Variants in ERC2 observed in about 807,000 individuals in gnomAD.
ERC2 encodes the protein ELKS/RAB6-interacting/CAST family member 2.
In ERC2, 42 loss-of-function variants were observed where a neutral mutation model predicts 114.8. That is an observed-to-expected ratio of 0.37 (90% confidence interval 0.29 to 0.47). ERC2 has a LOEUF of 0.47. ERC2 is among the 20% of genes least tolerant of loss of function. ERC2 has a pLI of 0.99. For missense variants in ERC2, 939 were observed against 1,150.7 expected (o/e 0.82, Z 2.66); for synonymous variants, 454 against 425.5 (o/e 1.07, Z -0.82).
At chr3:55,859,651 T>C (rs1427422164) in intron 14 of ERC2, among the ~76,000 whole-genome samples, 1 of 151,904 alleles carries the variant, frequency 6.6e-6, no homozygotes, top group African/African-American at 2.4e-5. Context: ...TCACCAAAGG[T>C]ATGTGTGCCT....
chr3:56,271,964 A>C (rs1370526919), intron 3 of ERC2, among the ~76,000 whole-genome samples: 1 of 152,190 alleles, frequency 6.6e-6, no homozygotes, highest in Non-Finnish European at 1.5e-5. Context: ...TGTGGTGGAT[A>C]TGTACCAAAT....
chr3:55,675,166 G>A (rs920282198), intron 17 of ERC2, among the ~76,000 whole-genome samples: 4 of 152,190 alleles, frequency 2.6e-5, no homozygotes, highest in African/African-American at 9.7e-5. Context: ...GCTGTGTGCT[G>A]TTGTTCTCAG....
intron 2 of ERC2, among the ~76,000 whole-genome samples, chr3:56,419,036 T>C (rs1344450906): frequency 1.3e-5 from 2 of 152,170 alleles, no homozygotes; most frequent in Non-Finnish European, 2.9e-5. Context: ...ACAAGATATA[T>C]CACTGCTTCA....
Position 56,186,114 on chromosome 3 carries a change from TAAAAAAAAAAAAAA to T in ERC2, c.1075-12608_1075-12595del, listed in dbSNP as rs201544979. Among the ~76,000 whole-genome samples the T allele has an allele frequency of 7.3e-3, 747 of 102,526 alleles. 9 individuals carry two copies. Among genetic ancestry groups the T allele is most frequent in the Admixed American group, 0.011 (103 of 9,444 alleles). The allele number at this position is 102,526 out of a possible 152,430, so 67.3% of individuals were successfully genotyped here. A position where few individuals can be genotyped will look rare whatever the true frequency, so the allele number is the denominator to read the frequency against. ...GAAAGCATATACATCTCAAGAACCT[TAAAAAAAAAAAAAA>T]AAAAAAAAAAAAAAAAGAGCACAGC... On this transcript the variant is annotated intron_variant, in intron 3 of 17. Transcript: ENST00000288221.
At chr3:56,106,103 T>C (rs1211812970) in intron 6 of ERC2, among the ~76,000 whole-genome samples, 3 of 152,210 alleles carry the variant, frequency 2.0e-5, no homozygotes, top group Admixed American at 6.5e-5. Context: ...CCAAACTGTA[T>C]ACTAATGTTC....
At chr3:56,458,978 A>G (rs768050028) in intron 1 of ERC2, among the ~76,000 whole-genome samples, 3 of 152,212 alleles carry the variant, frequency 2.0e-5, no homozygotes, top group Non-Finnish European at 4.4e-5. Context: ...AGGCACAAGA[A>G]AGACATCTTG....
At chr3:55,918,487 G>A (rs1162193279) in intron 13 of ERC2, among the ~76,000 whole-genome samples, 6 of 151,982 alleles carry the variant, frequency 3.9e-5, no homozygotes, top group African/African-American at 1.4e-4. Context: ...ATGGCCCAAG[G>A]TGCTAGATTA....
intron 4 of ERC2, among the ~76,000 whole-genome samples, chr3:56,166,679 A>T (rs2082339856): frequency 6.6e-6 from 1 of 152,026 alleles, no homozygotes; most frequent in Non-Finnish European, 1.5e-5. Context: ...CAACTTTATT[A>T]TCACAAAGTT....
chr3:56,082,074 G>GAT (rs1486401961), intron 6 of ERC2, among the ~76,000 whole-genome samples: 1 of 148,620 alleles, frequency 6.7e-6, no homozygotes, highest in Non-Finnish European at 1.5e-5. Flanking sequence ...TTTTTTATTG[G>GAT]ATATATATAT....
chr3:56,140,547 A>G (rs1349150320), intron 5 of ERC2, among the ~76,000 whole-genome samples: 1 of 152,126 alleles, frequency 6.6e-6, no homozygotes, highest in Non-Finnish European at 1.5e-5. Context: ...GTAAGACTTC[A>G]CCACAATTTA....
chr3:56,053,313 G>A (rs1464489992), intron 7 of ERC2, among the ~76,000 whole-genome samples: 2 of 152,138 alleles, frequency 1.3e-5, no homozygotes, highest in African/African-American at 2.4e-5. Context: ...CAGTATAACG[G>A]GGATGGAAAT....
intron 14 of ERC2, among the ~76,000 whole-genome samples, chr3:55,832,109 G>C (rs1005033955): frequency 7.9e-5 from 12 of 152,362 alleles, no homozygotes; most frequent in African/African-American, 1.4e-4. Flanking sequence ...CTGGAGGCTC[G>C]AACTGGGTGG....
At chr3:56,064,857 A>T (rs1239796686) in intron 7 of ERC2, among the ~76,000 whole-genome samples, 1 of 152,244 alleles carries the variant, frequency 6.6e-6, no homozygotes, top group Non-Finnish European at 1.5e-5. Flanking sequence ...TTTTATTGGA[A>T]CACAGCCATT....
intron 3 of ERC2, among the ~76,000 whole-genome samples, chr3:56,230,815 G>A (rs2050571225): frequency 1.3e-5 from 2 of 152,084 alleles, no homozygotes; most frequent in African/African-American, 2.4e-5. Flanking sequence ...CAGTATAAAT[G>A]GCATTCACAT....
At chr3:55,686,318 T>C (rs1237754868) in intron 16 of ERC2, among the ~76,000 whole-genome samples, 1 of 152,224 alleles carries the variant, frequency 6.6e-6, no homozygotes, top group Non-Finnish European at 1.5e-5. Flanking sequence ...CAGAATATTA[T>C]GCATTTTTAA....
intron 3 of ERC2, among the ~76,000 whole-genome samples, chr3:56,178,441 T>C (rs1052342744): frequency 6.6e-6 from 1 of 152,170 alleles, no homozygotes; most frequent in Non-Finnish European, 1.5e-5. Context: ...CTACATGGCC[T>C]TTTATTACCT....
At chr3:55,815,044 T>C (rs1211450725) in intron 14 of ERC2, among the ~76,000 whole-genome samples, 2 of 152,172 alleles carry the variant, frequency 1.3e-5, no homozygotes, top group Non-Finnish European at 2.9e-5. Flanking sequence ...TAATCCCCTG[T>C]TTAGTCTGTC....
intron 3 of ERC2, among the ~76,000 whole-genome samples, chr3:56,192,321 G>T (rs977970220): frequency 3.3e-5 from 5 of 152,146 alleles, no homozygotes; most frequent in Non-Finnish European, 7.3e-5. Context: ...TGTTTAAAAT[G>T]AGGTTAATAG....
chr3:56,134,552 T>G (rs1221330239), intron 6 of ERC2, among the ~76,000 whole-genome samples: 2 of 152,196 alleles, frequency 1.3e-5, no homozygotes, highest in East Asian at 3.8e-4. Flanking sequence ...TTAGCATGTA[T>G]GTGCCCATGT....
Sources: allele counts gnomAD v4.1 joint callset (sites outside exome capture counted in the v4.1 genomes callset), GRCh38; gene constraint gnomAD v4.1.1; transcripts MANE v1.5; gene names NCBI Gene and HGNC (gene_info 2026-07-23, HGNC 2026-07-21).